Variants in ARHGEF26 observed in about 807,000 individuals in gnomAD.
The protein encoded by ARHGEF26 is Rho guanine nucleotide exchange factor 26.
A neutral mutation model predicts 89.4 loss-of-function variants in ARHGEF26; 59 were observed. The observed-to-expected ratio is 0.66, with a 90% CI of 0.54 to 0.82. The LOEUF (loss-of-function observed/expected upper bound fraction) is 0.82. Ranked by LOEUF, ARHGEF26 falls within the 40% of genes least tolerant of loss-of-function variation. ARHGEF26 has a pLI of 0.00. For missense variants in ARHGEF26, 1,234 were observed against 1,085.6 expected (o/e 1.14, Z -1.92); for synonymous variants, 500 against 428.4 (o/e 1.17, Z -2.06).
chr3:154,178,097 G>A (rs9837394), intron 6 of ARHGEF26, among the ~76,000 whole-genome samples: 28,969 of 151,964 alleles, frequency 0.19, 3,084 homozygotes, highest in South Asian at 0.37. Context: ...CCAGCTACTC[G>A]GGAGGCTGAG....
rs13073165 is a variant in ARHGEF26, at chr3:154,122,373, C to A, written c.381C>A (p.Ser127=). 7.4e-6 allele frequency: 12 copies of A among 1,612,062 alleles called. No individual in the cohort carries two copies. Among genetic ancestry groups the A allele is most frequent in the Non-Finnish European group, 1.0e-5 (12 of 1,179,544 alleles). Residue 127 remains serine (S), a synonymous_variant, in exon 2 of 15, where the codon TCC becomes TCA. Coordinates refer to ENST00000465093, the MANE Select transcript of ARHGEF26 (RefSeq NM_015595.4). ...PKAVPGGSPK[S]PANGAVTLPA... is the part of the protein sequence containing the mutation. ...CGGTGCCTGGCGGCTCCCCGAAATC[C>A]CCAGCAAATGGCGCGGTGACCTTGC...
chr3:154,193,302 T>A (rs1227508292), intron 8 of ARHGEF26, among the ~76,000 whole-genome samples: 2 of 152,210 alleles, frequency 1.3e-5, no homozygotes, highest in Non-Finnish European at 2.9e-5. Flanking sequence ...CTGGTTCATT[T>A]ATGTGTGCAT....
At chr3:154,150,394 G>A (rs529655257) in intron 5 of ARHGEF26, among the ~76,000 whole-genome samples, 1 of 151,900 alleles carries the variant, frequency 6.6e-6, no homozygotes, top group South Asian at 2.1e-4. Context: ...TTATGAACTG[G>A]TACATATACT....
At chr3:154,135,858 G>A (rs1718969293) in intron 4 of ARHGEF26, among the ~76,000 whole-genome samples, 1 of 152,090 alleles carries the variant, frequency 6.6e-6, no homozygotes, top group African/African-American at 2.4e-5. Flanking sequence ...TTCACTGTAA[G>A]TACCCCCTCC....
intron 9 of ARHGEF26, among the ~76,000 whole-genome samples, chr3:154,208,931 A>G (rs1325860604): frequency 1.3e-5 from 2 of 151,550 alleles, no homozygotes; most frequent in Non-Finnish European, 1.5e-5. Flanking sequence ...ATGCCTGGCT[A>G]ATTTTTTGTA....
At chr3:154,190,576 C>T (rs1713892199) in intron 7 of ARHGEF26, among the ~76,000 whole-genome samples, 1 of 152,174 alleles carries the variant, frequency 6.6e-6, no homozygotes, top group South Asian at 2.1e-4. Flanking sequence ...GTCATATTTA[C>T]TTGGTGAGGT....
In ARHGEF26 at chr3:154,154,950, T is replaced by A. The variant is rs565525082; in HGVS notation, c.1487+2018T>A. On this transcript the variant is annotated intron_variant, in intron 6 of 14. Transcript: ENST00000465093. ...ATTTTCTAGAATTAGGATTGCTAGA[T>A]CAAAGGGTAAATGCGTATACTATTT... 1.1e-3 allele frequency among the ~76,000 whole-genome samples: 167 copies of A among 152,200 alleles called. 2 individuals are homozygous for A. The highest frequency in any genetic ancestry group is 2.4e-3 in the Admixed American group (36 of 15,282).
intron 4 of ARHGEF26, among the ~76,000 whole-genome samples, chr3:154,146,482 C>T (rs1270526392): frequency 6.6e-6 from 1 of 152,144 alleles, no homozygotes; most frequent in East Asian, 1.9e-4. Flanking sequence ...ATTTCATAAA[C>T]TATGTTTTGG....
At chr3:154,217,783 G>A (rs1335209910) in intron 9 of ARHGEF26, 86 bp from the exon 10 acceptor site, 4 of 1,010,696 alleles carry the variant, frequency 4.0e-6, no homozygotes, top group Non-Finnish European at 6.1e-6. Context: ...TTCCCAAGTG[G>A]TAATTATTTC....
At chr3:154,141,194 T>C (rs1040138308) in intron 4 of ARHGEF26, among the ~76,000 whole-genome samples, 1 of 149,224 alleles carries the variant, frequency 6.7e-6, no homozygotes, top group African/African-American at 2.5e-5. Flanking sequence ...CTCTATCTCC[T>C]GACCTCGTTT....
At chr3:154,250,824 A>C (rs1003702866) in intron 12 of ARHGEF26, among the ~76,000 whole-genome samples, 1 of 152,204 alleles carries the variant, frequency 6.6e-6, no homozygotes, top group African/African-American at 2.4e-5. Flanking sequence ...ATTCCACTTG[A>C]GCCTGTGTAA....
intron 8 of ARHGEF26, among the ~76,000 whole-genome samples, chr3:154,193,483 T>A (rs1714072955): frequency 6.6e-6 from 1 of 152,218 alleles, no homozygotes; most frequent in Admixed American, 6.5e-5. Flanking sequence ...AAGGGACCAG[T>A]GACTTGCTAG....
At chr3:154,169,270 G>A (rs75842322) in intron 6 of ARHGEF26, among the ~76,000 whole-genome samples, 3,859 of 151,876 alleles carry the variant, frequency 0.025, 57 homozygotes, top group Non-Finnish European at 0.041. Context: ...CATTATTTGC[G>A]GATTCCATAT....
At chr3:154,143,202 A>G (rs1214454637) in intron 4 of ARHGEF26, among the ~76,000 whole-genome samples, 2 of 152,214 alleles carry the variant, frequency 1.3e-5, no homozygotes, top group African/African-American at 4.8e-5. Context: ...AAAAAATTGA[A>G]CTATCTCTTT....
rs937971231 is a variant in ARHGEF26 at position 154,204,461 on chromosome 3, A to G, written c.1845+9743A>G. Among the ~76,000 whole-genome samples the G allele has an allele frequency of 4.0e-5, 6 of 150,738 alleles. No homozygotes were observed. In the East Asian group the frequency reaches 5.9e-4, roughly 15 times the overall value. ...GCGTATCTCATGCCTCAGCCTCTCA[A>G]GTAGCTGGGACTACAGGTACATGCC... On this transcript the variant is annotated intron_variant, in intron 9 of 14. Coordinates refer to ENST00000465093, the MANE Select transcript of ARHGEF26 (RefSeq NM_015595.4).
chr3:154,197,952 G>A (rs1714387993), intron 9 of ARHGEF26, among the ~76,000 whole-genome samples: 1 of 152,140 alleles, frequency 6.6e-6, no homozygotes, highest in Non-Finnish European at 1.5e-5. Context: ...GAAAGAGAAT[G>A]TCTGCTTTAA....
chr3:154,224,210 A>T (rs939502523), intron 10 of ARHGEF26, among the ~76,000 whole-genome samples: 40 of 152,184 alleles, frequency 2.6e-4, no homozygotes, highest in Non-Finnish European at 2.8e-4. Flanking sequence ...TCTTTAATAA[A>T]ACCTATCTGA....
rs558397644 is a variant in ARHGEF26, at chr3:154,176,644, G to A, written c.1488-11041G>A. On this transcript the variant is annotated intron_variant, in intron 6 of 14. Transcript: ENST00000465093. ...TGGTTGGGAAGAACCAAGATGAGGC[G>A]TGCCTCTGTGTGCTTTACGTAGACG... Among the ~76,000 whole-genome samples the A allele has an allele frequency of 5.6e-4, 86 of 152,278 alleles. 2 individuals carry two copies. Among genetic ancestry groups the A allele is most frequent in the Admixed American group, 1.3e-4 (2 of 15,294 alleles).
chr3:154,254,597 C>T lies in ARHGEF26; in HGVS notation c.2369-123C>T. 1.6e-5 allele frequency: 11 copies of T among 703,366 alleles called. No homozygotes were observed. The South Asian group carries it at 1.9e-4, about 12-fold the overall frequency. 43.6% of individuals were successfully genotyped at this position (703,366 alleles called of 1,614,324 possible). On this transcript the variant is annotated intron_variant, in intron 13 of 14. Coordinates refer to ENST00000465093, the MANE Select transcript of ARHGEF26 (RefSeq NM_015595.4). ...AAGATGTTCTGCTTTTTATTAGAAG[C>T]CCAACTTGTTTCTCTCAATGCTGGC...
Sources: gnomAD v4.1 joint callset for allele counts (sites outside exome capture counted in the v4.1 genomes callset) on GRCh38, gnomAD v4.1.1 for gene constraint, MANE v1.5 for transcripts, NCBI Gene and HGNC (gene_info 2026-07-23, HGNC 2026-07-21) for gene names.